The following SUPT20H variants were observed in gnomAD, a reference collection of about 807,000 sequenced individuals.
SUPT20H encodes the protein transcription factor SPT20 homolog.
SUPT20H carries 82 observed loss-of-function variants against 122.8 expected under a neutral mutation model. The observed-to-expected ratio is 0.67, with a 90% confidence interval of 0.56 to 0.80. The LOEUF is 0.80. Among genes scored for constraint, SUPT20H ranks in the 30% least tolerant of loss-of-function variants. The pLI is 0.00. For synonymous variants in SUPT20H, 291 were observed against 313.0 expected, an observed-to-expected ratio of 0.93 and a Z score of 0.74; for missense variants, 831 against 921.6, an observed-to-expected ratio of 0.90 and a Z score of 1.27.
intron 1 of SUPT20H, among the ~76,000 whole-genome samples, chr13:37,054,075 T>C (rs1457115069): frequency 2.0e-5 from 3 of 152,106 alleles, no homozygotes; most frequent in Non-Finnish European, 4.4e-5. Flanking sequence ...CAGGAAGAAG[T>C]TGAATCTCTG....
rs544587058 is a variant in SUPT20H, at chr13:37,022,983, A to C, written c.1592-903T>G. ...ATTTTTTAAAAAACAAAAACAAAAAACAAAAACCAAAAAAGTAAAACCAAA... is the reference window on the plus strand; with the variant it reads ...ATTTTTTAAAAAACAAAAACAAAAACCAAAAACCAAAAAAGTAAAACCAAA... On this transcript the variant is annotated intron_variant, in intron 19 of 25. Coordinates refer to ENST00000350612, the MANE Select transcript of SUPT20H (RefSeq NM_001014286.3). This position sits in a 1 kb window ranked among gnomAD's most constrained non-coding sequence, Gnocchi z 4.5. The C allele has an allele frequency of 4.3e-5, 54 of 1,260,748 alleles. No individual in the cohort carries two copies. Among genetic ancestry groups the C allele is most frequent in the East Asian group, 3.3e-4 (6 of 17,936 alleles). 78.1% of individuals were successfully genotyped at this position (1,260,748 alleles called of 1,614,324 possible).
intron 5 of SUPT20H, among the ~76,000 whole-genome samples, chr13:37,046,215 C>G (rs965238747): frequency 1.3e-5 from 2 of 152,036 alleles, no homozygotes; most frequent in African/African-American, 2.4e-5. Flanking sequence ...GCAATCTGAA[C>G]ATTTTTTAAA....
At chr13:37,057,595 G>C (rs560846583) in intron 1 of SUPT20H, among the ~76,000 whole-genome samples, 1 of 151,976 alleles carries the variant, frequency 6.6e-6, no homozygotes, top group Admixed American at 6.5e-5. Context: ...CCAGCACTTT[G>C]GGAGGCAGAG....
At chr13:37,026,169 A>G in intron 16 of SUPT20H, 35 bp downstream of exon 16, 1 of 1,558,168 alleles carries the variant, frequency 6.4e-7, no homozygotes, top group Non-Finnish European at 8.6e-7. Context: ...TTTCATATCC[A>G]TCCTGACCAA....
chr13:37,026,236 C>A lies in SUPT20H; in HGVS notation c.1179G>T (p.Trp393Cys). The stretch of plus-strand genomic sequence containing the variant: ...CATCGGTCTTTGATCCAATAATGAA[C>A]CTAAAATGTTTAAGGAAAAAAAAGG... ...SHSSTDDHSNWFIIGSKTDAE... is the reference protein window; with the variant it reads ...SHSSTDDHSNCFIIGSKTDAE... The change falls in exon 16 of 26, where the codon TGG (tryptophan) becomes TGT (cysteine). Residue 393 changes from tryptophan to cysteine, a missense_variant and splice_region_variant. Physicochemically the swap from Trp to Cys is radical, Grantham distance 215. Transcript: ENST00000350612. 1 of 1,499,994 alleles carries A rather than the reference C, an allele frequency of 6.7e-7. No homozygotes were observed. Among genetic ancestry groups the A allele is most frequent in the Non-Finnish European group, 8.8e-7 (1 of 1,133,184 alleles). The allele number at this position is 1,499,994 out of a possible 1,614,324, so 92.9% of individuals were successfully genotyped here.
At chr13:37,023,815 G>T in intron 19 of SUPT20H, 1 of 379,470 alleles carries the variant, frequency 2.6e-6, no homozygotes, top group Non-Finnish European at 4.6e-6. Context: ...AAAGGTACAC[G>T]CAGAATGTAT....
Position 37,028,150 on chromosome 13 carries a change from T to C in SUPT20H, c.1149A>G (p.Ser383=). 6.2e-6 allele frequency: 10 copies of C among 1,601,032 alleles called. No homozygotes were observed. The highest frequency in any genetic ancestry group is 8.5e-6 in the Non-Finnish European group (10 of 1,175,722). The part of the protein sequence containing the change: ...DEESDSQMSP[S]HSSTDDHSNW... ...TACTTGTATTTAACAGAACTCACTGTGATGGAGACATCTGGCTGTCACTTT... is the reference window on the plus strand; with the variant it reads ...TACTTGTATTTAACAGAACTCACTGCGATGGAGACATCTGGCTGTCACTTT... The change falls in exon 14 of 26, where the codon TCA becomes TCG. Residue 383 remains serine, a splice_region_variant and synonymous_variant. Coordinates refer to ENST00000350612, the MANE Select transcript of SUPT20H (RefSeq NM_001014286.3).
At chr13:37,037,454 C>T (rs1195306778) in intron 9 of SUPT20H, among the ~76,000 whole-genome samples, 2 of 152,152 alleles carry the variant, frequency 1.3e-5, no homozygotes, top group Non-Finnish European at 2.9e-5. Flanking sequence ...ACAGTAACTC[C>T]GAGGTATGAC....
chr13:37,045,278 A>C lies in SUPT20H; in HGVS notation c.261T>G (p.Tyr87Ter). ...VVNLYPGNEG[Y>*]SLMLRGKNGS... ...CGTTTTTTCCCCTGAGCATCAGAGA[A>C]TATCCCTCATTTCCTGGGTATAGAT... The change falls in exon 6 of 26, where the codon TAT (tyrosine) becomes TAG (stop). Residue 87 changes from tyrosine to a stop codon, truncating the protein, a stop_gained. Coordinates refer to ENST00000350612, the MANE Select transcript of SUPT20H (RefSeq NM_001014286.3). LOFTEE classifies it high-confidence loss of function. 6.2e-7 allele frequency: 1 copy of C among 1,613,792 alleles called. No homozygotes were observed. Among genetic ancestry groups the C allele is most frequent in the Non-Finnish European group, 8.5e-7 (1 of 1,179,798 alleles).
rs1159243715 is a variant in SUPT20H at position 37,031,812 on chromosome 13, A to G, written c.791T>C (p.Leu264Pro). 9 of 1,610,454 alleles carry G rather than the reference A, an allele frequency of 5.6e-6. No individual in the cohort carries two copies. The Admixed American group carries it at 1.5e-4, about 27-fold the overall frequency. The change falls in exon 11 of 26, where the codon CTT (leucine) becomes CCT (proline). Residue 264 changes from leucine to proline, a missense_variant. By Grantham distance (98) the Leu-to-Pro change is moderately conservative. Coordinates refer to ENST00000350612, the MANE Select transcript of SUPT20H (RefSeq NM_001014286.3). ...HCPPPPQLRL[L>P]DFLQKRKERK... ...TTCCTTTCTTTTTTGTAAGAAATCA[A>G]GTAACCTCAGCTGAGGAGGAGGTGG...
chr13:37,022,387 G>T lies in SUPT20H; in HGVS notation c.1592-307C>A. 3 of 1,330,626 alleles carry T rather than the reference G, an allele frequency of 2.3e-6. No homozygotes were observed. Among genetic ancestry groups the T allele is most frequent in the South Asian group, 2.3e-5 (1 of 43,164 alleles). 82.4% of individuals were successfully genotyped at this position (1,330,626 alleles called of 1,614,324 possible). On this transcript the variant is annotated intron_variant, in intron 19 of 25. Transcript: ENST00000350612. The surrounding 1 kb of genome is among the most constrained non-coding windows in gnomAD (Gnocchi z 4.5). The stretch of plus-strand genomic sequence containing the variant: ...CCAGTCCTTTTAAAATAAGGTTAAT[G>T]GAATCTTACTTAGCACTGACAATTT...
intron 2 of SUPT20H, 149 bp from the exon 3 acceptor site, chr13:37,048,748 T>C (rs1450886492): frequency 5.3e-6 from 3 of 563,256 alleles, no homozygotes; most frequent in South Asian, 3.2e-5. Context: ...TCAATATATA[T>C]ATAACAAAGA....
chr13:37,042,838 G>A (rs2138739409), intron 7 of SUPT20H, among the ~76,000 whole-genome samples: 1 of 152,188 alleles, frequency 6.6e-6, no homozygotes, highest in South Asian at 2.1e-4. Flanking sequence ...TGAGGTCAAG[G>A]GAGGATTTTT....
At position 37,022,232 on chromosome 13, in the gene SUPT20H, AC is replaced by A; in HGVS notation, c.1592-153del. ...GGGGAGTAGGGGTGGCTGAAGGGGT[AC>A]TAGGAGTTGAGCTCTGAGCATCAGG... is the stretch of plus-strand genomic sequence containing the variant. On this transcript the variant is annotated intron_variant, in intron 19 of 25. Transcript: ENST00000350612. The surrounding 1 kb of genome is among the most constrained non-coding windows in gnomAD (Gnocchi z 4.5). 1 of 1,562,760 alleles carries A rather than the reference AC, an allele frequency of 6.4e-7. No homozygotes were observed.
At chr13:37,046,092 AGT>A (rs1320110920) in intron 5 of SUPT20H, among the ~76,000 whole-genome samples, 1 of 152,096 alleles carries the variant, frequency 6.6e-6, no homozygotes, top group African/African-American at 2.4e-5. Flanking sequence ...CAAAAATCAA[AGT>A]GTTTTGAATA....
chr13:37,022,996 A>G lies in SUPT20H; in HGVS notation c.1592-916T>C. 7.9e-7 allele frequency: 1 copy of G among 1,265,204 alleles called. No homozygotes were observed. The highest frequency in any genetic ancestry group is 2.2e-4 in the Middle Eastern group (1 of 4,544). The allele number at this position is 1,265,204 out of a possible 1,614,324, so 78.4% of individuals were successfully genotyped here. ...CAAAAACAAAAAACAAAAACCAAAA[A>G]AGTAAAACCAAAAGCTCTTGAGGTG... On this transcript the variant is annotated intron_variant, in intron 19 of 25. Transcript: ENST00000350612. This position sits in a 1 kb window ranked among gnomAD's most constrained non-coding sequence, Gnocchi z 4.5.
At chr13:37,050,245 G>A (rs1048660615) in intron 2 of SUPT20H, among the ~76,000 whole-genome samples, 1 of 149,710 alleles carries the variant, frequency 6.7e-6, no homozygotes, top group South Asian at 2.1e-4. Flanking sequence ...TCTTGGCCAG[G>A]CACTGTGGCA....
At chr13:37,027,801 A>T (rs2062576885) in intron 14 of SUPT20H, among the ~76,000 whole-genome samples, 1 of 152,186 alleles carries the variant, frequency 6.6e-6, no homozygotes, top group Non-Finnish European at 1.5e-5. Context: ...CATTTATAGT[A>T]AACTTGCTTC....
chr13:37,021,550 C>G lies in SUPT20H; in HGVS notation c.1714G>C (p.Gly572Arg), dbSNP rs2061459428. The change falls in exon 21 of 26, where the codon GGT becomes CGT. Residue 572 changes from glycine (G) to arginine (R), a missense_variant. Coordinates refer to ENST00000350612, the MANE Select transcript of SUPT20H (RefSeq NM_001014286.3). ...GSNPMLGCNT[G>R]AITPAGINLS... ...TTTATTCCTGCAGGAGTTATGGCAC[C>G]AGTGTTACAGCCCAGCATGGGGTTT... is the stretch of plus-strand genomic sequence containing the variant. 3 of 1,613,626 alleles carry G rather than the reference C, an allele frequency of 1.9e-6. No individual in the cohort carries two copies. The East Asian group carries it at 6.7e-5, about 36-fold the overall frequency.
Sources: allele counts gnomAD v4.1 joint callset (sites outside exome capture counted in the v4.1 genomes callset), GRCh38; gene constraint gnomAD v4.1.1; non-coding constraint Gnocchi (gnomAD v3.1); transcripts MANE v1.5; gene names NCBI Gene and HGNC (gene_info 2026-07-23, HGNC 2026-07-21).